CCDC187: variants seen among roughly 807,000 people sequenced by gnomAD.
CCDC187 encodes coiled-coil domain-containing protein 187.
Under a neutral mutation model 38.0 loss-of-function variants are expected in CCDC187, and 32 were observed. The ratio of observed to expected loss-of-function variants is 0.84; its 90% CI spans 0.64 to 1.13. The LOEUF (loss-of-function observed/expected upper bound fraction) is 1.13, where lower values mean the gene tolerates loss of function less well. Ranked by LOEUF, CCDC187 falls within the 50% of genes most tolerant of loss-of-function variation. The probability of loss-of-function intolerance (pLI) is 0.00; values close to 1 mark genes in which losing one functional copy is unlikely to be tolerated. For synonymous variants in CCDC187, 333 were observed against 347.9 expected (o/e 0.96, Z 0.48); for missense variants, 707 against 786.8 (o/e 0.90, Z 1.21).
chr9:136,257,150 G>A lies in CCDC187; in HGVS notation c.4367-309C>T, dbSNP rs1208938401. ...AGCACTCTGGGAGGCCGAGGCGGGCGGATCACAAGGTCAGGAGTTCGAGAC... is the reference window on the plus strand; with the variant it reads ...AGCACTCTGGGAGGCCGAGGCGGGCAGATCACAAGGTCAGGAGTTCGAGAC... On this transcript the variant is annotated intron_variant, in intron 22 of 25. Transcript: ENST00000638797. This position sits in a 1 kb window ranked among gnomAD's most constrained non-coding sequence, Gnocchi z 4.5. 5.3e-5 allele frequency among the ~76,000 whole-genome samples: 8 copies of A among 152,132 alleles called. No individual in the cohort carries two copies. The highest frequency in any genetic ancestry group is 2.1e-4 in the South Asian group (1 of 4,832).
chr9:136,270,842 T>C (rs1830828424), intron 14 of CCDC187, among the ~76,000 whole-genome samples: 2 of 152,212 alleles, frequency 1.3e-5, no homozygotes, highest in African/African-American at 2.4e-5. Context: ...CCAGGTCACT[T>C]CTCACAATGT....
chr9:136,294,323 C>T lies in CCDC187; in HGVS notation c.833-2028G>A, dbSNP rs928482883. ...ACACGCTCATATACACATGCCCTCA[C>T]GTGCTCTCACACACACATTCACTCA... On this transcript the variant is annotated intron_variant, in intron 4 of 25. Transcript: ENST00000638797. Among the ~76,000 whole-genome samples, 78 of 152,022 alleles carry T rather than the reference C, an allele frequency of 5.1e-4. 1 individual carries two copies. Among genetic ancestry groups the T allele is most frequent in the Non-Finnish European group, 7.2e-4 (49 of 67,990 alleles).
chr9:136,262,018 C>T (rs1554761043), intron 19 of CCDC187, among the ~76,000 whole-genome samples: 1 of 152,270 alleles, frequency 6.6e-6, no homozygotes, highest in Non-Finnish European at 1.5e-5. Context: ...TCATCACTCC[C>T]CCTCCCCTGC....
upstream of CCDC187, chr9:136,304,242 C>T (rs1310182872): frequency 7.2e-5 from 11 of 152,222 alleles, no homozygotes; most frequent in African/African-American, 2.7e-4. Context: ...CCCAGAATGA[C>T]ATGCAGGGAG....
intron 18 of CCDC187, 149 bp from the exon 19 acceptor site, chr9:136,262,611 G>T: frequency 1.7e-6 from 1 of 601,060 alleles, no homozygotes; most frequent in Non-Finnish European, 2.1e-6. Context: ...GGCTGAGACA[G>T]GACCTCTCAT....
In CCDC187 at chr9:136,264,944, G is replaced by T. The variant is rs567701588; in HGVS notation, c.3735+1012C>A. On this transcript the variant is annotated intron_variant, in intron 17 of 25. Transcript: ENST00000638797. The surrounding 1 kb of genome is among the most constrained non-coding windows in gnomAD (Gnocchi z 4.3). Reference sequence around the variant, plus strand: ...CAGATTTATTTTTTGTAGAGACGGGGTCTTGCTATGTTGCCCAGGCCTGTC... The same window carrying T: ...CAGATTTATTTTTTGTAGAGACGGGTTCTTGCTATGTTGCCCAGGCCTGTC... 5.3e-5 allele frequency among the ~76,000 whole-genome samples: 8 copies of T among 152,254 alleles called. No individual in the cohort carries two copies. The South Asian group carries it at 1.2e-3, about 24-fold the overall frequency.
chr9:136,286,338 G>C lies in CCDC187; in HGVS notation c.2580C>G (p.Gly860=). 2.5e-6 allele frequency: 1 copy of C among 398,626 alleles called. No individual in the cohort carries two copies. The allele number at this position is 398,626 out of a possible 1,614,324, so 24.7% of individuals were successfully genotyped here. ...ALDTVRDPAV[G]LLRSCPHSLP... is the part of the protein sequence containing the mutation. Reference sequence around the variant, plus strand: ...GGCTGTGGGGGCACGAGCGCAGCAGGCCCACAGCTGGGTCCCTGACGGTGT... The same window carrying C: ...GGCTGTGGGGGCACGAGCGCAGCAGCCCCACAGCTGGGTCCCTGACGGTGT... Residue 860 remains glycine, a synonymous_variant, in exon 8 of 26, where the codon GGC becomes GGG. Coordinates refer to ENST00000638797, the MANE Select transcript of CCDC187 (RefSeq NM_001378188.1).
At chr9:136,277,488 GT>G (rs1464313490) in intron 10 of CCDC187, among the ~76,000 whole-genome samples, 1 of 132,540 alleles carries the variant, frequency 7.5e-6, no homozygotes, top group African/African-American at 2.8e-5. Flanking sequence ...TGCTGAGGGG[GT>G]GGGCAGGTGC....
At chr9:136,296,880 T>C (rs1157409861) in intron 4 of CCDC187, among the ~76,000 whole-genome samples, 1 of 152,116 alleles carries the variant, frequency 6.6e-6, no homozygotes, top group African/African-American at 2.4e-5. Context: ...ATGAAATTAA[T>C]CGTAATGCAA....
At position 136,257,538 on chromosome 9, in the gene CCDC187, C is replaced by T. The variant is rs1554760456; in HGVS notation, c.4367-697G>A. Among the ~76,000 whole-genome samples the T allele has an allele frequency of 6.6e-6, 1 of 152,082 alleles. No individual in the cohort carries two copies. The highest frequency in any genetic ancestry group is 1.5e-5 in the Non-Finnish European group (1 of 68,010). On this transcript the variant is annotated intron_variant, in intron 22 of 25. Transcript: ENST00000638797. The surrounding 1 kb of genome is among the most constrained non-coding windows in gnomAD (Gnocchi z 4.5). ...GGGCCGGTGGGGGGCAGGCCTCGGA[C>T]ACAGCAAGGCCACCAGTGCACCGCC...
chr9:136,292,354 C>T lies in CCDC187; in HGVS notation c.833-59G>A, dbSNP rs935400422. 2.0e-5 allele frequency: 8 copies of T among 398,436 alleles called. 1 individual carries two copies. The Admixed American group carries it at 3.1e-4, about 15-fold the overall frequency. 24.7% of individuals were successfully genotyped at this position (398,436 alleles called of 1,614,324 possible). Reference sequence around the variant, plus strand: ...CCCCATGGCCCTCTGGGCACTGGCCCGGACGGGGAGGTTGGTGGCTCTGCA... The same window carrying T: ...CCCCATGGCCCTCTGGGCACTGGCCTGGACGGGGAGGTTGGTGGCTCTGCA... On this transcript the variant is annotated intron_variant, in intron 4 of 25. Transcript: ENST00000638797.
In CCDC187 at chr9:136,253,831, A is replaced by G. The variant is rs4078122; in HGVS notation, c.5997T>C (p.Ser1999=). 0.14 allele frequency: 136,312 copies of G among 985,256 alleles called. 10,185 individuals carry two copies. Among genetic ancestry groups the G allele is most frequent in the Admixed American group, 0.2 (3,300 of 16,258 alleles). The allele number at this position is 985,256 out of a possible 1,614,324, so 61.0% of individuals were successfully genotyped here. Residue 1999 remains serine, a synonymous_variant, in exon 26 of 26, where the codon AGT becomes AGC. Coordinates refer to ENST00000638797, the MANE Select transcript of CCDC187 (RefSeq NM_001378188.1). ...SPVDELLSYG[S]ADLPSSIHRE... ...TGTGGATGGAGGACGGGAGGTCGGC[A>G]CTGCCGTAGGACAGCAACTCGTCCA... is the stretch of plus-strand genomic sequence containing the variant.
At chr9:136,261,775 C>G (rs1439957945) in intron 19 of CCDC187, among the ~76,000 whole-genome samples, 2 of 152,228 alleles carry the variant, frequency 1.3e-5, no homozygotes, top group African/African-American at 4.8e-5. Flanking sequence ...TCTGCGCTGC[C>G]CCCCGCTTTC....
intron 10 of CCDC187, among the ~76,000 whole-genome samples, chr9:136,277,534 G>T (rs1830957255): frequency 2.6e-5 from 4 of 151,174 alleles, no homozygotes; most frequent in Admixed American, 1.3e-4. Flanking sequence ...GGGTGGGTGG[G>T]TGCTGATGTA....
chr9:136,288,448 C>T (rs1259428368), intron 7 of CCDC187, among the ~76,000 whole-genome samples: 6 of 152,238 alleles, frequency 3.9e-5, no homozygotes, highest in Admixed American at 3.9e-4. Flanking sequence ...CAGGGTGGGA[C>T]GCTCTGGTGG....
Position 136,292,296 on chromosome 9 carries a change from C to T in CCDC187, c.833-1G>A, listed in dbSNP as rs1831351936. On this transcript the variant is annotated splice_acceptor_variant, in intron 4 of 25. Coordinates refer to ENST00000638797, the MANE Select transcript of CCDC187 (RefSeq NM_001378188.1). LOFTEE classifies it high-confidence loss of function. ...GCGTAAACACCAACCAGCTCCGAAT[C>T]TTAAACAGAGAAAACATACACACAG... The T allele has an allele frequency of 2.5e-6, 1 of 398,730 alleles. No homozygotes were observed. 24.7% of individuals were successfully genotyped at this position (398,730 alleles called of 1,614,324 possible).
rs1830602844 is a variant in CCDC187 at position 136,255,661 on chromosome 9, G to A, written c.4689C>T (p.Ser1563=). Residue 1563 remains serine, a synonymous_variant, in exon 25 of 26, where the codon TCC becomes TCT. Transcript: ENST00000638797. ...TWLEAAQAAA[S]PAAPVVPEEA... ...GGCTGGGGGCTGGGGCATTACCTGG[G>A]GAGGCAGCGGCCTGGGCAGCCTCCA... The A allele has an allele frequency of 2.0e-6, 2 of 985,182 alleles. No homozygotes were observed. The highest frequency in any genetic ancestry group is 1.7e-5 in the African/African-American group (1 of 57,198). 61.0% of individuals were successfully genotyped at this position (985,182 alleles called of 1,614,324 possible). A position where few individuals can be genotyped will look rare whatever the true frequency, so the allele number is the denominator to read the frequency against.
At chr9:136,269,122 G>A (rs1416204009) in intron 14 of CCDC187, among the ~76,000 whole-genome samples, 4 of 152,200 alleles carry the variant, frequency 2.6e-5, no homozygotes, top group East Asian at 3.8e-4. Flanking sequence ...GGACAGAAGC[G>A]TTCCGGGGGA....
At chr9:136,286,905 C>T in intron 7 of CCDC187, among the ~76,000 whole-genome samples, 1 of 152,330 alleles carries the variant, frequency 6.6e-6, no homozygotes, top group Non-Finnish European at 1.5e-5. Flanking sequence ...AGCGAGGGGG[C>T]AGAGGAACTG....
Sources: allele counts gnomAD v4.1 joint callset (sites outside exome capture counted in the v4.1 genomes callset), GRCh38; gene constraint gnomAD v4.1.1; non-coding constraint Gnocchi (gnomAD v3.1); transcripts MANE v1.5; gene names NCBI Gene and HGNC (gene_info 2026-07-23, HGNC 2026-07-21).